Variants in PLEKHA2 observed in about 807,000 individuals in gnomAD.
The protein encoded by PLEKHA2 is pleckstrin homology domain containing A2.
In PLEKHA2, 28 loss-of-function variants were observed where a neutral mutation model predicts 53.2. That is an observed-to-expected ratio of 0.53 (90% CI 0.39 to 0.72). The LOEUF (loss-of-function observed/expected upper bound fraction) is 0.72, where lower values mean the gene tolerates loss of function less well. PLEKHA2 is among the 30% of genes least tolerant of loss of function. The pLI, the probability that PLEKHA2 is intolerant of heterozygous loss-of-function variation, is 0.00. For synonymous variants in PLEKHA2, 193 were observed against 196.4 expected, an observed-to-expected ratio of 0.98 and a Z score of 0.14; for missense variants, 426 against 537.9, an observed-to-expected ratio of 0.79 and a Z score of 2.06.
intron 10 of PLEKHA2, among the ~76,000 whole-genome samples, chr8:38,960,230 A>C (rs113280051): frequency 1.2e-4 from 19 of 152,366 alleles, no homozygotes; most frequent in Non-Finnish European, 2.8e-4. Flanking sequence ...AGGGAGGACA[A>C]ATCTGTTTAC....
intron 10 of PLEKHA2, among the ~76,000 whole-genome samples, chr8:38,962,504 T>A (rs942069724): frequency 6.6e-6 from 1 of 152,156 alleles, no homozygotes; most frequent in Admixed American, 6.5e-5. Flanking sequence ...ATCCAAGATC[T>A]GGAAATAACC....
At chr8:38,914,957 CTCT>C (rs35634732) in intron 1 of PLEKHA2, among the ~76,000 whole-genome samples, 58,605 of 151,108 alleles carry the variant, frequency 0.39, 11,727 homozygotes, top group Non-Finnish European at 0.42. Context: ...TCCTTTATTC[CTCT>C]TCTTCTGACA....
chr8:38,966,504 G>A (rs1835138510), intron 10 of PLEKHA2, among the ~76,000 whole-genome samples: 1 of 152,170 alleles, frequency 6.6e-6, no homozygotes, highest in African/African-American at 2.4e-5. Context: ...ACCTGATGCA[G>A]CATGTAACAC....
At chr8:38,911,159 T>TA (rs1326334492) in intron 1 of PLEKHA2, among the ~76,000 whole-genome samples, 1 of 152,116 alleles carries the variant, frequency 6.6e-6, no homozygotes, top group Non-Finnish European at 1.5e-5. Context: ...ACTTGCCAGA[T>TA]AGTTTCATTA....
chr8:38,931,659 A>G (rs1834395320), intron 2 of PLEKHA2, among the ~76,000 whole-genome samples: 1 of 152,220 alleles, frequency 6.6e-6, no homozygotes, highest in Non-Finnish European at 1.5e-5. Context: ...GTGGGCTTGT[A>G]TGGACTGGTT....
intron 10 of PLEKHA2, among the ~76,000 whole-genome samples, chr8:38,958,889 G>GGCAT (rs1468320725): frequency 6.6e-6 from 1 of 152,158 alleles, no homozygotes; most frequent in Non-Finnish European, 1.5e-5. Flanking sequence ...GTTAAACTGT[G>GGCAT]GCATGGCGCA....
chr8:38,952,740 T>C lies in PLEKHA2; in HGVS notation c.702+36T>C, dbSNP rs188984628. The C allele has an allele frequency of 3.1e-6, 5 of 1,591,040 alleles. No homozygotes were observed. In the Admixed American group the frequency reaches 6.7e-5, roughly 21 times the overall value. ...GCTTTGCTGCCCTTCTGAGAGGTCA[T>C]GGAAACTAAGAGGTGCATAGGTGCA... On this transcript the variant is annotated intron_variant, in intron 8 of 11. Coordinates refer to ENST00000617275, the MANE Select transcript of PLEKHA2 (RefSeq NM_021623.2).
rs1366913509 is a variant in PLEKHA2, at chr8:38,961,732, A to C, written c.837+4346A>C. On this transcript the variant is annotated intron_variant, in intron 10 of 11. Transcript: ENST00000617275. ...TTCATCCTGAGTATCTAAGAGAGCT[A>C]GACCAAAGAGCAGGGCAGATCATGG... Among the ~76,000 whole-genome samples the C allele has an allele frequency of 2.0e-5, 3 of 152,220 alleles. No homozygotes were observed. In the East Asian group the frequency reaches 5.8e-4, roughly 29 times the overall value.
intron 6 of PLEKHA2, 116 bp from the exon 7 acceptor site, chr8:38,952,050 T>C: frequency 7.6e-7 from 1 of 1,310,524 alleles, no homozygotes; most frequent in Non-Finnish European, 1.0e-6. Flanking sequence ...GTGCCCACCA[T>C]TTATTTCTTC....
rs529985785 is a variant in PLEKHA2 at position 38,936,737 on chromosome 8, G to A, written c.198+687G>A. ...CTGAATTCAGCTTCTATTAGCAGCC[G>A]CTCCCTGGAGCAGGCACCACTGCTG... On this transcript the variant is annotated intron_variant, in intron 3 of 11. Coordinates refer to ENST00000617275, the MANE Select transcript of PLEKHA2 (RefSeq NM_021623.2). 4.0e-4 allele frequency among the ~76,000 whole-genome samples: 61 copies of A among 152,352 alleles called. 1 individual carries two copies. The highest frequency in any genetic ancestry group is 6.2e-4 in the Non-Finnish European group (42 of 68,022).
Position 38,973,444 on chromosome 8 carries a change from T to C in PLEKHA2, c.*3661T>C, listed in dbSNP as rs1023128165. The C allele has an allele frequency of 2.6e-5, 4 of 151,880 alleles. No individual in the cohort carries two copies. The highest frequency in any genetic ancestry group is 2.9e-5 in the Non-Finnish European group (2 of 67,996). The allele number at this position is 151,880 out of a possible 1,614,324, so 9.4% of individuals were successfully genotyped here. A position where few individuals can be genotyped will look rare whatever the true frequency, so the allele number is the denominator to read the frequency against. On this transcript the variant is annotated 3_prime_UTR_variant, in exon 12 of 12. Transcript: ENST00000617275. ...GGTTCAGTAGTTGAGGAGTGGAGTTTAGTAGGTTTGTTTTCAGTATAAATT... is the reference window on the plus strand; with the variant it reads ...GGTTCAGTAGTTGAGGAGTGGAGTTCAGTAGGTTTGTTTTCAGTATAAATT...
chr8:38,920,213 C>T (rs908576662), intron 2 of PLEKHA2, among the ~76,000 whole-genome samples: 36 of 151,844 alleles, frequency 2.4e-4, no homozygotes, highest in South Asian at 2.1e-4. Flanking sequence ...TGCAGTGGCG[C>T]GATCTCGGCT....
At position 38,951,611 on chromosome 8, in the gene PLEKHA2, A is replaced by C. The variant is rs114056438; in HGVS notation, c.487-555A>C. 4.0e-3 allele frequency among the ~76,000 whole-genome samples: 611 copies of C among 151,730 alleles called. 4 individuals carry two copies. The highest frequency in any genetic ancestry group is 0.014 in the African/African-American group (583 of 41,392). On this transcript the variant is annotated intron_variant, in intron 6 of 11. Coordinates refer to ENST00000617275, the MANE Select transcript of PLEKHA2 (RefSeq NM_021623.2). ...TCCTGCCTCAGCCTTCCTAGGCTCA[A>C]GTGATCCTCCCACCTCATCTGGGAC... is the stretch of plus-strand genomic sequence containing the variant.
intron 1 of PLEKHA2, among the ~76,000 whole-genome samples, chr8:38,916,768 G>T (rs905421138): frequency 1.3e-5 from 2 of 152,128 alleles, no homozygotes; most frequent in Non-Finnish European, 2.9e-5. Context: ...GACTGATTTC[G>T]TTTCTTTGGG....
At chr8:38,907,780 T>A (rs116736582) in intron 1 of PLEKHA2, among the ~76,000 whole-genome samples, 3,567 of 146,408 alleles carry the variant, frequency 0.024, 147 homozygotes, top group African/African-American at 0.084. Flanking sequence ...AAAAAATTAA[T>A]CTATTCATCT....
At chr8:38,951,469 GTTTT>G (rs144541661) in intron 6 of PLEKHA2, among the ~76,000 whole-genome samples, 201 of 91,812 alleles carry the variant, frequency 2.2e-3, no homozygotes, top group African/African-American at 4.5e-3. Flanking sequence ...ATTTATTTAA[GTTTT>G]TTTTTTTTTT....
intron 10 of PLEKHA2, among the ~76,000 whole-genome samples, chr8:38,963,594 C>T (rs1835078354): frequency 1.3e-5 from 2 of 152,148 alleles, no homozygotes; most frequent in African/African-American, 4.8e-5. Context: ...AGATTATAGG[C>T]CAGGCCTGGT....
At chr8:38,965,597 C>T (rs1835121563) in intron 10 of PLEKHA2, among the ~76,000 whole-genome samples, 1 of 152,148 alleles carries the variant, frequency 6.6e-6, no homozygotes, top group South Asian at 2.1e-4. Flanking sequence ...TGACCTCCAT[C>T]TCATTCAAAT....
intron 3 of PLEKHA2, among the ~76,000 whole-genome samples, chr8:38,943,181 C>A (rs963741217): frequency 2.0e-5 from 3 of 152,058 alleles, no homozygotes; most frequent in African/African-American, 7.2e-5. Context: ...GACTTAGTGG[C>A]TTTTAAAAGT....
Sources: gnomAD v4.1 joint callset for allele counts (sites outside exome capture counted in the v4.1 genomes callset) on GRCh38, gnomAD v4.1.1 for gene constraint, MANE v1.5 for transcripts, NCBI Gene and HGNC (gene_info 2026-07-23, HGNC 2026-07-21) for gene names.